The following CLSTN2 variants were observed in gnomAD, a reference collection of about 807,000 sequenced individuals.
CLSTN2 encodes the protein calsyntenin-2.
In CLSTN2, 48 loss-of-function variants were observed where a neutral mutation model predicts 101.2. The observed-to-expected ratio is 0.47, with a 90% CI of 0.38 to 0.60. The LOEUF (loss-of-function observed/expected upper bound fraction) is 0.60. CLSTN2 is among the 20% of genes least tolerant of loss of function. The pLI, the probability that CLSTN2 is intolerant of heterozygous loss-of-function variation, is 0.00. For missense variants in CLSTN2, 1,160 were observed against 1,238.2 expected (o/e 0.94, Z 0.95); for synonymous variants, 481 against 463.6 (o/e 1.04, Z -0.48).
At chr3:140,160,548 A>T (rs575578286) in intron 1 of CLSTN2, among the ~76,000 whole-genome samples, 12 of 152,126 alleles carry the variant, frequency 7.9e-5, no homozygotes, top group African/African-American at 2.2e-4. Context: ...CATTTTTCTC[A>T]TTCCATGCTG....
At chr3:139,994,755 T>G (rs1468486608) in intron 1 of CLSTN2, among the ~76,000 whole-genome samples, 1 of 152,188 alleles carries the variant, frequency 6.6e-6, no homozygotes, top group Admixed American at 6.5e-5. Flanking sequence ...TTGGAGGAAC[T>G]GAGTAGGAAA....
chr3:140,406,132 G>A (rs932958356), intron 4 of CLSTN2, among the ~76,000 whole-genome samples: 5 of 152,214 alleles, frequency 3.3e-5, no homozygotes, highest in Non-Finnish European at 7.3e-5. Flanking sequence ...CCTCCTGATA[G>A]CCAATGTCTA....
intron 16 of CLSTN2, 32 bp downstream of exon 16, chr3:140,564,177 T>C (rs1364775376): frequency 1.2e-6 from 2 of 1,604,720 alleles, no homozygotes; most frequent in Non-Finnish European, 1.7e-6. Context: ...GAGTTCTGGG[T>C]GGGGTGCTTC....
intron 1 of CLSTN2, among the ~76,000 whole-genome samples, chr3:140,011,750 A>G (rs1244595280): frequency 6.6e-6 from 1 of 151,804 alleles, no homozygotes; most frequent in South Asian, 2.1e-4. Context: ...GTGACCTTGC[A>G]TGAGAGTTTT....
intron 1 of CLSTN2, among the ~76,000 whole-genome samples, chr3:140,046,095 C>A (rs2007874327): frequency 6.6e-6 from 1 of 152,128 alleles, no homozygotes; most frequent in African/African-American, 2.4e-5. Flanking sequence ...TCTTGTTGAT[C>A]TAATATTGAT....
intron 2 of CLSTN2, among the ~76,000 whole-genome samples, chr3:140,241,790 GATAT>G (rs36099204): frequency 5.5e-4 from 76 of 138,232 alleles, no homozygotes; most frequent in Non-Finnish European, 7.6e-4. Context: ...TCATATGCGA[GATAT>G]ATATATATAT....
At chr3:140,425,375 A>G (rs1164492394) in intron 5 of CLSTN2, among the ~76,000 whole-genome samples, 1 of 152,244 alleles carries the variant, frequency 6.6e-6, no homozygotes, top group Non-Finnish European at 1.5e-5. Context: ...TTCCATGGGC[A>G]GGACCAGAAG....
intron 9 of CLSTN2, among the ~76,000 whole-genome samples, chr3:140,540,116 C>T (rs1017543836): frequency 3.9e-5 from 6 of 152,138 alleles, no homozygotes; most frequent in African/African-American, 7.2e-5. Flanking sequence ...AGTTCCTTCA[C>T]GTGAAGAACA....
chr3:140,029,275 G>T (rs2007496800), intron 1 of CLSTN2, among the ~76,000 whole-genome samples: 1 of 152,156 alleles, frequency 6.6e-6, no homozygotes, highest in African/African-American at 2.4e-5. Flanking sequence ...GAGGTTTTAT[G>T]AAAAGAAGTG....
At position 140,448,554 on chromosome 3, in the gene CLSTN2, G is replaced by T; in HGVS notation, c.823G>T (p.Gly275Trp). 2 of 1,613,984 alleles carry T rather than the reference G, an allele frequency of 1.2e-6. No homozygotes were observed. Among genetic ancestry groups the T allele is most frequent in the African/African-American group, 2.7e-5 (2 of 74,992 alleles). Residue 275 changes from glycine to tryptophan, a missense_variant, in exon 6 of 17, where the codon GGG becomes TGG. Coordinates refer to ENST00000458420, the MANE Select transcript of CLSTN2 (RefSeq NM_022131.3). Reference protein sequence around the residue: ...TKRIEYQPGSGSMPLFPSIHL... With the variant: ...TKRIEYQPGSWSMPLFPSIHL... ...GAGGATTGAGTACCAGCCTGGCTCC[G>T]GGAGCATGCCCCTGTTCCCCAGCAT...
intron 1 of CLSTN2, among the ~76,000 whole-genome samples, chr3:139,983,976 T>A (rs1278758599): frequency 1.3e-5 from 2 of 152,246 alleles, no homozygotes; most frequent in Non-Finnish European, 2.9e-5. Context: ...TGTTCTTCAT[T>A]CCTTACATTT....
intron 9 of CLSTN2, among the ~76,000 whole-genome samples, chr3:140,533,020 A>C (rs1935290536): frequency 6.6e-6 from 1 of 152,230 alleles, no homozygotes; most frequent in South Asian, 2.1e-4. Context: ...CTCAGCCCTC[A>C]GTGCCTTCCC....
intron 4 of CLSTN2, among the ~76,000 whole-genome samples, chr3:140,406,372 T>C (rs758870363): frequency 3.3e-5 from 5 of 152,020 alleles, no homozygotes; most frequent in Non-Finnish European, 7.4e-5. Flanking sequence ...AAAAAAATAA[T>C]AATAAGGTAA....
chr3:140,316,792 T>G (rs1345190822), intron 2 of CLSTN2, among the ~76,000 whole-genome samples: 2 of 152,246 alleles, frequency 1.3e-5, no homozygotes, highest in East Asian at 3.9e-4. Flanking sequence ...TCTGTCACTG[T>G]GTTTGTGAAG....
intron 1 of CLSTN2, among the ~76,000 whole-genome samples, chr3:140,113,091 G>C (rs1409906777): frequency 6.6e-6 from 1 of 152,052 alleles, no homozygotes; most frequent in Non-Finnish European, 1.5e-5. Context: ...GGTTTTTTGA[G>C]CCAGTTGTTA....
rs980056110 is a variant in CLSTN2, at chr3:140,123,161, C to T, written c.110-52790C>T. Reference sequence around the variant, plus strand: ...AATGATACCTTGTTACTGTGTCCTCCAGGGCGGGGGGGTGGGGGGCGGGAC... The same window carrying T: ...AATGATACCTTGTTACTGTGTCCTCTAGGGCGGGGGGGTGGGGGGCGGGAC... On this transcript the variant is annotated intron_variant, in intron 1 of 16. Coordinates refer to ENST00000458420, the MANE Select transcript of CLSTN2 (RefSeq NM_022131.3). 3.0e-4 allele frequency among the ~76,000 whole-genome samples: 17 copies of T among 56,100 alleles called. No individual in the cohort carries two copies. In the Admixed American group the frequency reaches 3.2e-3, roughly 10 times the overall value. 36.8% of individuals were successfully genotyped at this position (56,100 alleles called of 152,430 possible).
chr3:140,482,680 T>G (rs1366048935), intron 8 of CLSTN2, among the ~76,000 whole-genome samples: 1 of 152,210 alleles, frequency 6.6e-6, no homozygotes, highest in African/African-American at 2.4e-5. Context: ...GGAGGGTGCA[T>G]ATGTCAAGGA....
intron 6 of CLSTN2, chr3:140,450,168 C>T (rs1473982136): frequency 6.6e-6 from 1 of 152,130 alleles, no homozygotes; most frequent in Non-Finnish European, 1.5e-5. Flanking sequence ...TCACCCATCC[C>T]ATTTTAGAGG....
chr3:140,358,291 G>A (rs2087694914), intron 2 of CLSTN2, among the ~76,000 whole-genome samples: 14 of 152,136 alleles, frequency 9.2e-5, no homozygotes. Context: ...GTGGCTCTGG[G>A]CTGGGGTCAG....
Sources: allele counts gnomAD v4.1 joint callset (sites outside exome capture counted in the v4.1 genomes callset), GRCh38; gene constraint gnomAD v4.1.1; transcripts MANE v1.5; gene names NCBI Gene and HGNC (gene_info 2026-07-23, HGNC 2026-07-21).